Variants in FDX1 observed in about 807,000 individuals in gnomAD.
FDX1 encodes adrenodoxin, mitochondrial.
FDX1 carries 9 observed loss-of-function variants against 14.9 expected under a neutral mutation model. The observed-to-expected ratio is 0.60, with a 90% CI of 0.36 to 1.05. The LOEUF is 1.05. Ranked by LOEUF, FDX1 falls within the 50% of genes least tolerant of loss-of-function variation. The pLI, the probability that FDX1 is intolerant of heterozygous loss-of-function variation, is 0.01. For missense variants in FDX1, 204 were observed against 237.2 expected, an observed-to-expected ratio of 0.86 and a Z score of 0.92; for synonymous variants, 92 against 99.4, an observed-to-expected ratio of 0.93 and a Z score of 0.44.
intron 2 of FDX1, among the ~76,000 whole-genome samples, chr11:110,446,522 T>G (rs1443470412): frequency 6.6e-6 from 1 of 152,234 alleles, no homozygotes; most frequent in East Asian, 1.9e-4. Context: ...TTTACATCAC[T>G]TCTTGGAAAT....
rs1279754346 is a variant in FDX1, at chr11:110,449,245, A to T, written c.311-7673A>T. 2.6e-5 allele frequency among the ~76,000 whole-genome samples: 4 copies of T among 152,366 alleles called. No individual in the cohort carries two copies. In the East Asian group the frequency reaches 7.7e-4, roughly 29 times the overall value. The stretch of plus-strand genomic sequence containing the variant: ...ATGTAAACAAAATCAAAGCAGTACT[A>T]AAATGTATATACTTTTAAGTTCATG... On this transcript the variant is annotated intron_variant, in intron 2 of 3. Transcript: ENST00000260270.
At chr11:110,429,505 C>T (rs775076962), upstream of FDX1, among the ~76,000 whole-genome samples, 6 of 152,192 alleles carry the variant, frequency 3.9e-5, no homozygotes, top group Non-Finnish European at 5.9e-5. Context: ...CTGTCCTCTG[C>T]AGGAGCCCCA....
intron 2 of FDX1, among the ~76,000 whole-genome samples, chr11:110,444,675 T>TATATAC (rs1946429831): frequency 1.4e-4 from 11 of 78,462 alleles, no homozygotes; most frequent in African/African-American, 6.5e-4. Flanking sequence ...CGTATATATA[T>TATATAC]ATATATATAC....
At chr11:110,439,059 C>T (rs1263353902) in intron 2 of FDX1, among the ~76,000 whole-genome samples, 2 of 152,074 alleles carry the variant, frequency 1.3e-5, no homozygotes, top group East Asian at 1.9e-4. Flanking sequence ...GCACTCACTA[C>T]CACGCCCAGC....
At chr11:110,451,306 G>A (rs1352899441) in intron 2 of FDX1, among the ~76,000 whole-genome samples, 2 of 152,136 alleles carry the variant, frequency 1.3e-5, no homozygotes, top group African/African-American at 4.8e-5. Flanking sequence ...TTTATAGCTT[G>A]TTTTTTGGGA....
intron 3 of FDX1, among the ~76,000 whole-genome samples, chr11:110,460,454 T>C (rs901216861): frequency 7.2e-5 from 11 of 152,362 alleles, no homozygotes; most frequent in Middle Eastern, 3.4e-3. Flanking sequence ...CTTCTTTGCA[T>C]TGTGTTGCCT....
At chr11:110,446,404 A>C (rs1946450325) in intron 2 of FDX1, among the ~76,000 whole-genome samples, 2 of 152,082 alleles carry the variant, frequency 1.3e-5, no homozygotes, top group Non-Finnish European at 2.9e-5. Flanking sequence ...GGGTGATCTC[A>C]TCCGTTCTGT....
chr11:110,444,237 G>A (rs1335540516), intron 2 of FDX1, among the ~76,000 whole-genome samples: 1 of 152,010 alleles, frequency 6.6e-6, no homozygotes, highest in Non-Finnish European at 1.5e-5. Context: ...TGTGTATGGT[G>A]AAAGGTAGGG....
At chr11:110,456,787 G>C (rs1946525251) in intron 2 of FDX1, 131 bp from the exon 3 acceptor site, 1 of 906,906 alleles carries the variant, frequency 1.1e-6, no homozygotes, top group African/African-American at 1.7e-5. Flanking sequence ...GGGATTACAG[G>C]TGTGAGCCAC....
chr11:110,444,672 A>ATATATATACGTG (rs1565381804), intron 2 of FDX1, among the ~76,000 whole-genome samples: 4 of 78,120 alleles, frequency 5.1e-5, no homozygotes, highest in Admixed American at 1.5e-4. Context: ...ATACGTATAT[A>ATATATATACGTG]TATATATATA....
chr11:110,430,879 C>T (rs888764135), intron 1 of FDX1, among the ~76,000 whole-genome samples: 1 of 152,174 alleles, frequency 6.6e-6, no homozygotes, highest in Non-Finnish European at 1.5e-5. Flanking sequence ...TTGAAAGCCC[C>T]TGCGTTGAAG....
At chr11:110,441,735 C>T (rs1320900879) in intron 2 of FDX1, among the ~76,000 whole-genome samples, 2 of 152,072 alleles carry the variant, frequency 1.3e-5, no homozygotes, top group Non-Finnish European at 2.9e-5. Flanking sequence ...AAAAGAAAAC[C>T]CCATTTTCTG....
At chr11:110,457,449 G>A (rs1946529531) in intron 3 of FDX1, among the ~76,000 whole-genome samples, 1 of 152,058 alleles carries the variant, frequency 6.6e-6, no homozygotes, top group Non-Finnish European at 1.5e-5. Context: ...ATATATAATA[G>A]TAATTATGTT....
chr11:110,432,334 A>G (rs1403598063), intron 1 of FDX1, among the ~76,000 whole-genome samples: 1 of 152,210 alleles, frequency 6.6e-6, no homozygotes, highest in Non-Finnish European at 1.5e-5. Flanking sequence ...ATGGGAATAA[A>G]AATTTCATAT....
In FDX1 at chr11:110,462,306, A is replaced by G. The variant is rs1042535726; in HGVS notation, c.441-48A>G. ...TCTTAAACAACTGCATTGCCTTGTG[A>G]ATATATATACGTAATACTAAACCAT... On this transcript the variant is annotated intron_variant, in intron 3 of 3. Coordinates refer to ENST00000260270, the MANE Select transcript of FDX1 (RefSeq NM_004109.5). 8.8e-6 allele frequency: 9 copies of G among 1,026,588 alleles called. No homozygotes were observed. The Admixed American group carries it at 9.3e-5, about 11-fold the overall frequency. The allele number at this position is 1,026,588 out of a possible 1,614,324, so 63.6% of individuals were successfully genotyped here. A position where few individuals can be genotyped will look rare whatever the true frequency, so the allele number is the denominator to read the frequency against.
At chr11:110,431,020 T>C (rs1467332579) in intron 1 of FDX1, among the ~76,000 whole-genome samples, 2 of 152,136 alleles carry the variant, frequency 1.3e-5, no homozygotes, top group Admixed American at 6.5e-5. Context: ...CTATGGTTAA[T>C]TGAAGAATCA....
intron 3 of FDX1, among the ~76,000 whole-genome samples, chr11:110,457,767 A>G (rs1565385302): frequency 6.6e-6 from 1 of 152,136 alleles, no homozygotes; most frequent in Non-Finnish European, 1.5e-5. Context: ...TAATAGTTTT[A>G]TTTCATGTGT....
chr11:110,462,434 C>T lies in FDX1; in HGVS notation c.521C>T (p.Ala174Val), dbSNP rs374875246. ...CGAGTGCCTGAAACAGTGGCTGATG[C>T]CAGACAATCCATTGATGTGGGCAAG... ...TVRVPETVAD[A>V]RQSIDVGKTS The change falls in exon 4 of 4, where the codon GCC (alanine) becomes GTC (valine). Residue 174 changes from alanine to valine, a missense_variant. By Grantham distance (64) the Ala-to-Val change is moderately conservative (BLOSUM62 0). Coordinates refer to ENST00000260270, the MANE Select transcript of FDX1 (RefSeq NM_004109.5). 2.6e-5 allele frequency: 42 copies of T among 1,585,790 alleles called. No individual in the cohort carries two copies. The highest frequency in any genetic ancestry group is 3.3e-5 in the Admixed American group (2 of 59,946).
intron 1 of FDX1, among the ~76,000 whole-genome samples, chr11:110,431,101 TAGCAGCAGCAGCAGCAGC>T (rs35673502): frequency 2.6e-5 from 4 of 151,110 alleles, no homozygotes; most frequent in South Asian, 2.1e-4. Flanking sequence ...TGCCACTTGG[TAGCAGCAGCAGCAGCAGC>T]AGCAGCAGCA....
Sources: allele counts gnomAD v4.1 joint callset (sites outside exome capture counted in the v4.1 genomes callset), GRCh38; gene constraint gnomAD v4.1.1; transcripts MANE v1.5; gene names NCBI Gene and HGNC (gene_info 2026-07-23, HGNC 2026-07-21).